Variants in PTPRN2 observed in about 807,000 individuals in gnomAD.
PTPRN2 encodes the protein receptor-type tyrosine-protein phosphatase N2.
In PTPRN2, 74 loss-of-function variants were observed where a neutral mutation model predicts 118.8. The ratio of observed to expected loss-of-function variants is 0.62; its 90% CI spans 0.52 to 0.76. The LOEUF (loss-of-function observed/expected upper bound fraction) is 0.76, where lower values mean the gene tolerates loss of function less well. Ranked by LOEUF, PTPRN2 falls within the 30% of genes least tolerant of loss-of-function variation. The pLI, the probability that PTPRN2 is intolerant of heterozygous loss-of-function variation, is 0.00. For synonymous variants in PTPRN2, 641 were observed against 608.0 expected (o/e 1.05, Z -0.80); for missense variants, 1,481 against 1,394.4 (o/e 1.06, Z -0.99).
At chr7:157,983,586 C>G (rs1803482942) in intron 11 of PTPRN2, among the ~76,000 whole-genome samples, 1 of 151,534 alleles carries the variant, frequency 6.6e-6, no homozygotes, top group African/African-American at 2.4e-5. Flanking sequence ...CGCCCCCGCC[C>G]ACATGTGTCC....
chr7:158,551,716 T>A (rs1337039250), intron 1 of PTPRN2, among the ~76,000 whole-genome samples: 3 of 32,264 alleles, frequency 9.3e-5, no homozygotes, highest in Non-Finnish European at 1.3e-4. Context: ...ACACATGCAT[T>A]TGGGGGGCCC....
chr7:157,741,040 G>T (rs1456649809), intron 12 of PTPRN2, among the ~76,000 whole-genome samples: 1 of 152,146 alleles, frequency 6.6e-6, no homozygotes, highest in Non-Finnish European at 1.5e-5. Flanking sequence ...ACTGAAACGA[G>T]CAACAAGGGA....
At position 158,268,065 on chromosome 7, in the gene PTPRN2, G is replaced by A. The variant is rs559125103; in HGVS notation, c.277+48754C>T. Among the ~76,000 whole-genome samples, 29 of 152,282 alleles carry A rather than the reference G, an allele frequency of 1.9e-4. No homozygotes were observed. In the South Asian group the frequency reaches 3.5e-3, roughly 19 times the overall value. On this transcript the variant is annotated intron_variant, in intron 3 of 22. Transcript: ENST00000389418. ...TCGTGGTGTGACAGCCCATTTGAGC[G>A]CTCTTCAAGGCACGAGATCCTCAGC...
At position 158,414,363 on chromosome 7, in the gene PTPRN2, GGAC is replaced by G. The variant is rs534749812; in HGVS notation, c.163+75369_163+75371del. On this transcript the variant is annotated intron_variant, in intron 2 of 22. Coordinates refer to ENST00000389418, the MANE Select transcript of PTPRN2 (RefSeq NM_002847.5). The stretch of plus-strand genomic sequence containing the variant: ...ACGGGCTGGAGCATTAAGCCCCAAA[GGAC>G]GGATCCAGGAGGGTGCCCGGGCGGT... Among the ~76,000 whole-genome samples, 398 of 152,280 alleles carry G rather than the reference GGAC, an allele frequency of 2.6e-3. 1 individual carries two copies. The highest frequency in any genetic ancestry group is 9.2e-3 in the African/African-American group (381 of 41,560).
intron 12 of PTPRN2, among the ~76,000 whole-genome samples, chr7:157,819,113 G>A (rs925339482): frequency 6.6e-6 from 1 of 152,192 alleles, no homozygotes; most frequent in Non-Finnish European, 1.5e-5. Context: ...CCAAACACCT[G>A]CTGGGCCTGG....
Position 158,053,184 on chromosome 7 carries a change from C to A in PTPRN2, c.1723+28114G>T, listed in dbSNP as rs375354154. On this transcript the variant is annotated intron_variant, in intron 11 of 22. Coordinates refer to ENST00000389418, the MANE Select transcript of PTPRN2 (RefSeq NM_002847.5). The stretch of plus-strand genomic sequence containing the variant: ...ATTTTTATGGCTGGGGAGACACAGG[C>A]TTACCTGGGAATTTCTGAGTGTGCC... 9.9e-5 allele frequency among the ~76,000 whole-genome samples: 15 copies of A among 152,284 alleles called. No homozygotes were observed. In the East Asian group the frequency reaches 2.3e-3, roughly 23 times the overall value.
chr7:158,224,637 A>C (rs970385440), intron 3 of PTPRN2, among the ~76,000 whole-genome samples: 2 of 152,186 alleles, frequency 1.3e-5, no homozygotes, highest in South Asian at 4.1e-4. Context: ...TTTAGAAAAA[A>C]ACAACAGAAA....
intron 11 of PTPRN2, among the ~76,000 whole-genome samples, chr7:158,072,075 TCG>T (rs1811961212): frequency 7.6e-6 from 1 of 132,322 alleles, no homozygotes; most frequent in Non-Finnish European, 1.7e-5. Flanking sequence ...GTGGAGGTGC[TCG>T]TGGTGGTGGA....
At chr7:158,310,741 C>A (rs1484199343) in intron 3 of PTPRN2, among the ~76,000 whole-genome samples, 1 of 142,226 alleles carries the variant, frequency 7.0e-6, no homozygotes, top group African/African-American at 2.6e-5. Flanking sequence ...CCACGGAGGG[C>A]AAGCCCTGAG....
chr7:157,998,195 C>T (rs772918112), intron 11 of PTPRN2, among the ~76,000 whole-genome samples: 40 of 152,046 alleles, frequency 2.6e-4, no homozygotes, highest in Admixed American at 1.2e-3. Context: ...GCCCGGGCTG[C>T]AGCCTGGCTT....
chr7:158,026,141 C>T (rs1807250457), intron 11 of PTPRN2, among the ~76,000 whole-genome samples: 2 of 152,224 alleles, frequency 1.3e-5, no homozygotes, highest in African/African-American at 4.8e-5. Flanking sequence ...GGAAGGAGCT[C>T]GGTGAGCTTC....
intron 11 of PTPRN2, among the ~76,000 whole-genome samples, chr7:157,922,877 T>A (rs947859922): frequency 6.6e-6 from 1 of 152,252 alleles, no homozygotes; most frequent in African/African-American, 2.4e-5. Flanking sequence ...TTGCTGTGCT[T>A]CAGAGCAAAA....
chr7:158,100,244 GGTGT>G (rs3065708), intron 10 of PTPRN2, among the ~76,000 whole-genome samples: 54,684 of 147,200 alleles, frequency 0.37, 10,220 homozygotes, highest in Admixed American at 0.51. Context: ...TATTCCATGG[GGTGT>G]GTGTGTGTGT....
rs550681128 is a variant in PTPRN2 at position 158,512,046 on chromosome 7, C to CA, written c.113-22262dup. On this transcript the variant is annotated intron_variant, in intron 1 of 22. Transcript: ENST00000389418. The stretch of plus-strand genomic sequence containing the variant: ...GGAGCCTTAATTTATGCAAGTTTAA[C>CA]AAAAAAAATCAAGGATGCTTCAGAT... 4.3e-4 allele frequency among the ~76,000 whole-genome samples: 65 copies of CA among 151,892 alleles called. 2 individuals carry two copies. Among genetic ancestry groups the CA allele is most frequent in the Admixed American group, 3.5e-3 (53 of 15,256 alleles).
intron 12 of PTPRN2, among the ~76,000 whole-genome samples, chr7:157,815,488 A>T (rs1428454241): frequency 2.0e-5 from 3 of 152,216 alleles, no homozygotes; most frequent in African/African-American, 7.2e-5. Context: ...AGTCCCAGCC[A>T]GTGGGCTGAG....
intron 19 of PTPRN2, among the ~76,000 whole-genome samples, chr7:157,575,973 G>A (rs1184574457): frequency 6.6e-6 from 1 of 152,180 alleles, no homozygotes; most frequent in East Asian, 1.9e-4. Flanking sequence ...CACAATCAAA[G>A]CTGTGGTCTT....
chr7:158,492,397 C>G (rs1286876853), intron 1 of PTPRN2, among the ~76,000 whole-genome samples: 1 of 152,224 alleles, frequency 6.6e-6, no homozygotes, highest in Non-Finnish European at 1.5e-5. Context: ...AGGAGAGGCA[C>G]CGGGAAGAAA....
intron 2 of PTPRN2, among the ~76,000 whole-genome samples, chr7:158,341,538 GGTGACAT>G (rs1232323606): frequency 8.8e-4 from 101 of 115,372 alleles, no homozygotes; most frequent in Admixed American, 1.1e-3. Flanking sequence ...CACCATAAGA[GGTGACAT>G]CTGCAGACGT....
At chr7:157,842,819 C>T (rs1291502328) in intron 12 of PTPRN2, among the ~76,000 whole-genome samples, 2 of 152,174 alleles carry the variant, frequency 1.3e-5, no homozygotes, top group African/African-American at 4.8e-5. Context: ...GGAAACCCAA[C>T]AGCACCAAAT....
Sources: allele counts gnomAD v4.1 joint callset (sites outside exome capture counted in the v4.1 genomes callset), GRCh38; gene constraint gnomAD v4.1.1; transcripts MANE v1.5; gene names NCBI Gene and HGNC (gene_info 2026-07-23, HGNC 2026-07-21).